MYT1L: variants seen among roughly 807,000 people sequenced by gnomAD.
MYT1L encodes myelin transcription factor 1-like protein.
A neutral mutation model predicts 126.7 loss-of-function variants in MYT1L; 12 were observed. The ratio of observed to expected loss-of-function variants is 0.09; its 90% CI spans 0.06 to 0.15. MYT1L has a LOEUF of 0.15. Ranked by LOEUF, MYT1L falls within the 10% of genes least tolerant of loss-of-function variation. MYT1L has a pLI of 1.00. For missense variants in MYT1L, 979 were observed against 1,585.2 expected (o/e 0.62, Z 6.49); for synonymous variants, 541 against 604.2 (o/e 0.90, Z 1.53).
intron 2 of MYT1L, among the ~76,000 whole-genome samples, chr2:2,213,871 G>GA (rs1394436368): frequency 6.6e-6 from 1 of 152,090 alleles, no homozygotes; most frequent in Non-Finnish European, 1.5e-5. Flanking sequence ...ACAGTGAGGA[G>GA]AAAAATCAAT....
intron 21 of MYT1L, chr2:1,825,919 G>A (rs577040938): frequency 1.4e-4 from 21 of 152,354 alleles, no homozygotes; most frequent in African/African-American, 4.6e-4. Context: ...TTGCCCCCAT[G>A]ATGGGGTGAC....
chr2:2,155,159 G>C (rs1292097522), intron 3 of MYT1L, among the ~76,000 whole-genome samples: 1 of 152,152 alleles, frequency 6.6e-6, no homozygotes, highest in African/African-American at 2.4e-5. Flanking sequence ...ATCAATGCCA[G>C]AGTTAAATTC....
At chr2:1,854,135 TA>T (rs547503155) in intron 18 of MYT1L, among the ~76,000 whole-genome samples, 44 of 152,236 alleles carry the variant, frequency 2.9e-4, no homozygotes, top group African/African-American at 9.6e-4. Context: ...GAGGGTAGAA[TA>T]AAATAATTGA....
At chr2:2,254,163 T>C (rs771933321) in intron 2 of MYT1L, among the ~76,000 whole-genome samples, 1 of 152,208 alleles carries the variant, frequency 6.6e-6, no homozygotes, top group Non-Finnish European at 1.5e-5. Context: ...TTGCAACATA[T>C]AAGGTTTTGC....
chr2:2,150,007 T>C (rs1214589343), intron 3 of MYT1L, among the ~76,000 whole-genome samples: 1 of 152,176 alleles, frequency 6.6e-6, no homozygotes, highest in African/African-American at 2.4e-5. Context: ...CACATCCCAG[T>C]ATCCACCTAA....
At chr2:1,818,885 G>A (rs1031971340) in intron 21 of MYT1L, among the ~76,000 whole-genome samples, 2 of 152,230 alleles carry the variant, frequency 1.3e-5, no homozygotes, top group African/African-American at 2.4e-5. Context: ...AGAGAGGGAA[G>A]CGTTTCTAGA....
At chr2:1,880,584 G>GA (rs1446556647) in intron 18 of MYT1L, among the ~76,000 whole-genome samples, 2 of 152,194 alleles carry the variant, frequency 1.3e-5, no homozygotes, top group Non-Finnish European at 2.9e-5. Flanking sequence ...AAATATAAAT[G>GA]AAAAATGGAA....
At chr2:2,278,875 A>G (rs946074387) in intron 2 of MYT1L, among the ~76,000 whole-genome samples, 1 of 152,196 alleles carries the variant, frequency 6.6e-6, no homozygotes, top group South Asian at 2.1e-4. Context: ...CCTAAAGGAA[A>G]GATGAACACA....
Position 1,980,495 on chromosome 2 carries a change from T to C in MYT1L, c.1-718A>G, listed in dbSNP as rs575366305. 8.5e-5 allele frequency among the ~76,000 whole-genome samples: 13 copies of C among 152,206 alleles called. No individual in the cohort carries two copies. In the South Asian group the frequency reaches 2.7e-3, roughly 32 times the overall value. On this transcript the variant is annotated intron_variant, in intron 5 of 24. Coordinates refer to ENST00000647738, the MANE Select transcript of MYT1L (RefSeq NM_001303052.2). ...GGAATGCAATTGTCCTCCACATTTATCTAAATTGCTTGGTTTCCTTTGAGG... is the reference window on the plus strand; with the variant it reads ...GGAATGCAATTGTCCTCCACATTTACCTAAATTGCTTGGTTTCCTTTGAGG...
chr2:1,893,974 T>C (rs765788546), intron 14 of MYT1L, among the ~76,000 whole-genome samples: 6 of 152,206 alleles, frequency 3.9e-5, no homozygotes, highest in Non-Finnish European at 7.3e-5. Flanking sequence ...CGTCTCAGCC[T>C]CTGCCAAAAG....
chr2:2,094,760 C>T (rs971404465), intron 3 of MYT1L, among the ~76,000 whole-genome samples: 7 of 101,008 alleles, frequency 6.9e-5, no homozygotes, highest in Non-Finnish European at 9.6e-5. Flanking sequence ...CATCACACAC[C>T]GGGGCCTGCT....
At chr2:1,888,754 T>C (rs566674479) in intron 16 of MYT1L, among the ~76,000 whole-genome samples, 40 of 152,352 alleles carry the variant, frequency 2.6e-4, no homozygotes, top group Non-Finnish European at 2.9e-5. Context: ...TAGGTGATGG[T>C]ACTAAAATAG....
intron 1 of MYT1L, chr2:2,326,531 A>G (rs891422999): frequency 3.3e-5 from 5 of 152,078 alleles, no homozygotes; most frequent in African/African-American, 1.2e-4. Context: ...TCACAACACA[A>G]TACTCCTTAC....
At chr2:1,934,571 A>G (rs903759954) in intron 9 of MYT1L, among the ~76,000 whole-genome samples, 3 of 152,210 alleles carry the variant, frequency 2.0e-5, no homozygotes, top group African/African-American at 7.2e-5. Context: ...TAAGAGTCAC[A>G]TTCTTCCACC....
chr2:1,845,267 G>A (rs982377766), intron 19 of MYT1L, among the ~76,000 whole-genome samples: 5 of 151,978 alleles, frequency 3.3e-5, no homozygotes, highest in African/African-American at 1.2e-4. Context: ...AGCTACCACC[G>A]CACCCAGCCA....
rs536617443 is a variant in MYT1L at position 1,847,952 on chromosome 2, A to G, written c.2774+3689T>C. Reference sequence around the variant, plus strand: ...TTCTCTAGGTGGTTTAGGCACACCTACTTCCTCCAGGGCCATCCTAGGCTC... The same window carrying G: ...TTCTCTAGGTGGTTTAGGCACACCTGCTTCCTCCAGGGCCATCCTAGGCTC... On this transcript the variant is annotated intron_variant, in intron 19 of 24. Coordinates refer to ENST00000647738, the MANE Select transcript of MYT1L (RefSeq NM_001303052.2). Among the ~76,000 whole-genome samples the G allele has an allele frequency of 9.8e-4, 150 of 152,304 alleles. 5 individuals are homozygous for G. In the South Asian group the frequency reaches 0.03, roughly 30 times the overall value.
At chr2:1,949,133 G>A (rs1156732457) in intron 8 of MYT1L, among the ~76,000 whole-genome samples, 1 of 152,084 alleles carries the variant, frequency 6.6e-6, no homozygotes, top group Non-Finnish European at 1.5e-5. Flanking sequence ...GATTCTCAAT[G>A]CAGAAGCAAG....
chr2:2,125,768 A>T (rs1262878883), intron 3 of MYT1L, among the ~76,000 whole-genome samples: 1 of 152,122 alleles, frequency 6.6e-6, no homozygotes, highest in Admixed American at 6.5e-5. Context: ...GAAAGGAAAG[A>T]GTAGAGAATG....
chr2:2,298,754 G>A (rs1180230911), intron 1 of MYT1L, among the ~76,000 whole-genome samples: 2 of 152,168 alleles, frequency 1.3e-5, no homozygotes, highest in Non-Finnish European at 2.9e-5. Context: ...GTGGGAGGTG[G>A]CACCCTCACT....
Sources: allele counts gnomAD v4.1 joint callset (sites outside exome capture counted in the v4.1 genomes callset), GRCh38; gene constraint gnomAD v4.1.1; transcripts MANE v1.5; gene names NCBI Gene and HGNC (gene_info 2026-07-23, HGNC 2026-07-21).